Variants in SPC25 observed in about 807,000 individuals in gnomAD.
The protein encoded by SPC25 is kinetochore protein Spc25.
A neutral mutation model predicts 29.6 loss-of-function variants in SPC25; 22 were observed. The ratio of observed to expected loss-of-function variants is 0.74; its 90% CI spans 0.53 to 1.06. The LOEUF (loss-of-function observed/expected upper bound fraction) is 1.06. Ranked by LOEUF, SPC25 falls within the 50% of genes least tolerant of loss-of-function variation. The pLI, the probability that SPC25 is intolerant of heterozygous loss-of-function variation, is 0.00. For missense variants in SPC25, 230 were observed against 255.8 expected (o/e 0.90, Z 0.69); for synonymous variants, 91 against 90.4 (o/e 1.01, Z -0.04).
rs1416965186 is a variant in SPC25, at chr2:168,871,001, T to C, written c.*430A>G. On this transcript the variant is annotated 3_prime_UTR_variant, in exon 7 of 7. Coordinates refer to ENST00000282074, the MANE Select transcript of SPC25 (RefSeq NM_020675.4). Reference sequence around the variant, plus strand: ...GACTGGATTAAGAAAATGTGGCACATATACACCATGGAATACTATGCAGCC... The same window carrying C: ...GACTGGATTAAGAAAATGTGGCACACATACACCATGGAATACTATGCAGCC... The C allele has an allele frequency of 6.6e-6, 1 of 152,276 alleles. No homozygotes were observed. Among genetic ancestry groups the C allele is most frequent in the Non-Finnish European group, 1.5e-5 (1 of 68,246 alleles). 9.4% of individuals were successfully genotyped at this position (152,276 alleles called of 1,614,324 possible).
chr2:168,864,033 C>T (rs2105807566), intron 4 of SPC25, among the ~76,000 whole-genome samples: 1 of 151,658 alleles, frequency 6.6e-6, no homozygotes, highest in South Asian at 2.1e-4. Context: ...GCCTCAGTCT[C>T]CCAAGCTCAC....
At chr2:168,869,762 A>G (rs562439468), downstream of SPC25, among the ~76,000 whole-genome samples, 40 of 152,256 alleles carry the variant, frequency 2.6e-4, no homozygotes, top group African/African-American at 9.2e-4. Context: ...AATCAATATC[A>G]TGAAAATGGC....
At chr2:168,884,098 T>C (rs1690220494) in intron 3 of SPC25, among the ~76,000 whole-genome samples, 2 of 152,112 alleles carry the variant, frequency 1.3e-5, no homozygotes, top group East Asian at 1.9e-4. Flanking sequence ...CATGTGTACA[T>C]AGCAGGCTGT....
intron 3 of SPC25, among the ~76,000 whole-genome samples, chr2:168,888,549 T>C (rs1431207875): frequency 2.6e-5 from 4 of 152,036 alleles, no homozygotes; most frequent in Non-Finnish European, 2.9e-5. Context: ...AGCGAGACTC[T>C]GTCTCAAAGT....
chr2:168,866,765 C>A (rs1218513782), downstream of SPC25, among the ~76,000 whole-genome samples: 6 of 109,654 alleles, frequency 5.5e-5, no homozygotes, highest in Non-Finnish European at 7.2e-5. Context: ...ACAACGAACT[C>A]AAACAAATTT....
chr2:168,876,507 A>C (rs1257437749), intron 4 of SPC25, among the ~76,000 whole-genome samples: 1 of 152,018 alleles, frequency 6.6e-6, no homozygotes, highest in Non-Finnish European at 1.5e-5. Context: ...TTTTTTCTAG[A>C]TAACCAATTG....
intron 4 of SPC25, chr2:168,864,835 T>A (rs781699436): frequency 1.2e-6 from 2 of 1,613,702 alleles, no homozygotes; most frequent in Non-Finnish European, 1.7e-6. Flanking sequence ...TTTTCACAGG[T>A]GACATTGTGA....
chr2:168,872,607 T>A (rs952407429), intron 6 of SPC25, among the ~76,000 whole-genome samples: 2 of 152,266 alleles, frequency 1.3e-5, no homozygotes, highest in African/African-American at 4.8e-5. Flanking sequence ...GGGCATCTGG[T>A]CCAAAATGTA....
downstream of SPC25, among the ~76,000 whole-genome samples, chr2:168,866,869 A>G (rs1689867383): frequency 6.6e-6 from 1 of 152,182 alleles, no homozygotes; most frequent in Admixed American, 6.5e-5. Context: ...AACACATGAA[A>G]AAATGCTCAT....
downstream of SPC25, among the ~76,000 whole-genome samples, chr2:168,868,514 T>C (rs1331827016): frequency 6.6e-6 from 1 of 151,956 alleles, no homozygotes; most frequent in African/African-American, 2.4e-5. Flanking sequence ...TAAAAAATGA[T>C]AAAGGGGATA....
At chr2:168,888,965 A>ATATGTG in intron 3 of SPC25, among the ~76,000 whole-genome samples, 1 of 85,880 alleles carries the variant, frequency 1.2e-5, no homozygotes. Flanking sequence ...GTGTATATAT[A>ATATGTG]TATATATACA....
At chr2:168,889,724 G>C (rs1050683997) in intron 1 of SPC25, among the ~76,000 whole-genome samples, 191 bp from the exon 2 acceptor site, 2 of 152,120 alleles carry the variant, frequency 1.3e-5, no homozygotes, top group African/African-American at 4.8e-5. Flanking sequence ...AATAATTCAG[G>C]ACACCTTTAC....
At chr2:168,889,131 T>C in intron 3 of SPC25, 95 bp downstream of exon 3, 1 of 988,906 alleles carries the variant, frequency 1.0e-6, no homozygotes. Flanking sequence ...TACACACTTG[T>C]GTACACAAAA....
intron 6 of SPC25, among the ~76,000 whole-genome samples, chr2:168,871,890 A>T (rs113891842): frequency 0.026 from 3,917 of 152,008 alleles, 108 homozygotes; most frequent in African/African-American, 0.071. Flanking sequence ...AACTTTTTTT[A>T]AAAACTGTTA....
intron 4 of SPC25, among the ~76,000 whole-genome samples, chr2:168,864,270 C>G (rs1689701228): frequency 1.7e-5 from 2 of 117,890 alleles, no homozygotes; most frequent in Admixed American, 1.8e-4. Flanking sequence ...AGCCACCGTG[C>G]CTGGCTGTGA....
At chr2:168,874,660 C>T (rs1690055946) in intron 5 of SPC25, among the ~76,000 whole-genome samples, 1 of 151,998 alleles carries the variant, frequency 6.6e-6, no homozygotes, top group South Asian at 2.1e-4. Flanking sequence ...AAGGATATAG[C>T]GAAATCAGCA....
rs146396158 is a variant in SPC25, at chr2:168,871,550, C to T, written c.556G>A (p.Asp186Asn). Residue 186 changes from aspartate to asparagine, a missense_variant, in exon 7 of 7, where the codon GAT becomes AAT. Asp to Asn is a conservative substitution (Grantham distance 23). Transcript: ENST00000282074. ...AGGCCCTCAAGATGAGGGGCACTAT[C>T]TGACACTAGAAAAAAAAAAAAAAGA... is the stretch of plus-strand genomic sequence containing the variant. ...LNEARDYEVS[D>N]SAPHLEGLAE... The T allele has an allele frequency of 1.6e-4, 243 of 1,506,494 alleles. No individual in the cohort carries two copies. Among genetic ancestry groups the T allele is most frequent in the Non-Finnish European group, 2.0e-4 (233 of 1,140,336 alleles). The allele number at this position is 1,506,494 out of a possible 1,614,324, so 93.3% of individuals were successfully genotyped here. A position where few individuals can be genotyped will look rare whatever the true frequency, so the allele number is the denominator to read the frequency against.
chr2:168,867,071 T>C (rs550449748), downstream of SPC25, among the ~76,000 whole-genome samples: 1 of 152,266 alleles, frequency 6.6e-6, no homozygotes, highest in East Asian at 1.9e-4. Context: ...GTGTGGCGAT[T>C]CCTCAGGGAT....
chr2:168,887,604 A>C (rs890011177), intron 3 of SPC25, among the ~76,000 whole-genome samples: 3 of 152,150 alleles, frequency 2.0e-5, no homozygotes, highest in African/African-American at 7.2e-5. Flanking sequence ...AGGACATTCT[A>C]GTCTAATATT....
Sources: gnomAD v4.1 joint callset for allele counts (sites outside exome capture counted in the v4.1 genomes callset) on GRCh38, gnomAD v4.1.1 for gene constraint, MANE v1.5 for transcripts, NCBI Gene and HGNC (gene_info 2026-07-23, HGNC 2026-07-21) for gene names.